Variants in GBE1 observed in about 807,000 individuals in gnomAD.
The protein encoded by GBE1 is 1,4-alpha-glucan branching enzyme 1, also known as 1,4-alpha-glucan-branching enzyme.
In GBE1, 70 loss-of-function variants were observed where a neutral mutation model predicts 88.8. The ratio of observed to expected loss-of-function variants is 0.79; its 90% CI spans 0.65 to 0.96. The LOEUF is 0.96. Among genes scored for constraint, GBE1 ranks in the 40% least tolerant of loss-of-function variants. GBE1 has a pLI of 0.00. For missense variants in GBE1, 872 were observed against 871.0 expected, an observed-to-expected ratio of 1.00 and a Z score of -0.01; for synonymous variants, 284 against 300.1, an observed-to-expected ratio of 0.95 and a Z score of 0.56.
intron 7 of GBE1, among the ~76,000 whole-genome samples, chr3:81,617,208 A>C (rs1410971740): frequency 2.6e-5 from 4 of 151,830 alleles, no homozygotes; most frequent in South Asian, 2.1e-4. Context: ...TCTATGTCTT[A>C]TTTTCTTTTC....
At chr3:81,693,273 T>G (rs1373977290) in intron 2 of GBE1, among the ~76,000 whole-genome samples, 1 of 152,152 alleles carries the variant, frequency 6.6e-6, no homozygotes, top group African/African-American at 2.4e-5. Flanking sequence ...CAAAAAACAG[T>G]ATCCTGAAGG....
rs35149061 is a variant in GBE1, at chr3:81,501,686, CTTTTTTTTTT to C, written c.1935-2469_1935-2460del. ...GAATTCCCTCATTTACTTAGGGGCA[CTTTTTTTTTT>C]TTTTTTTTTTTTTTTTTTTAAGACA... On this transcript the variant is annotated intron_variant, in intron 14 of 15. Coordinates refer to ENST00000429644, the MANE Select transcript of GBE1 (RefSeq NM_000158.4). 3.0e-3 allele frequency among the ~76,000 whole-genome samples: 216 copies of C among 71,982 alleles called. 1 individual carries two copies. The highest frequency in any genetic ancestry group is 3.7e-3 in the Admixed American group (17 of 4,562). The allele number at this position is 71,982 out of a possible 152,430, so 47.2% of individuals were successfully genotyped here. A position where few individuals can be genotyped will look rare whatever the true frequency, so the allele number is the denominator to read the frequency against.
chr3:81,511,372 CAGAGT>C (rs1384235585), intron 14 of GBE1, among the ~76,000 whole-genome samples: 2 of 151,986 alleles, frequency 1.3e-5, no homozygotes, highest in Non-Finnish European at 2.9e-5. Context: ...AAACAATCAA[CAGAGT>C]AAACAGACAA....
chr3:81,712,774 A>G (rs1231949797), intron 1 of GBE1, among the ~76,000 whole-genome samples: 1 of 151,990 alleles, frequency 6.6e-6, no homozygotes, highest in African/African-American at 2.4e-5. Flanking sequence ...TTGTGCACAT[A>G]TACCCTAGAA....
At chr3:81,500,802 G>A (rs1056856518) in intron 14 of GBE1, among the ~76,000 whole-genome samples, 1 of 152,178 alleles carries the variant, frequency 6.6e-6, no homozygotes, top group African/African-American at 2.4e-5. Context: ...GTATTTCAAA[G>A]AACGTACATG....
At chr3:81,532,663 T>C (rs1380008241) in intron 14 of GBE1, among the ~76,000 whole-genome samples, 1 of 152,076 alleles carries the variant, frequency 6.6e-6, no homozygotes, top group Non-Finnish European at 1.5e-5. Flanking sequence ...GTCAAAAACC[T>C]GCAGCAACTC....
chr3:81,668,688 A>G (rs1450732144), intron 3 of GBE1, among the ~76,000 whole-genome samples: 1 of 152,194 alleles, frequency 6.6e-6, no homozygotes, highest in African/African-American at 2.4e-5. Context: ...AATCATACAG[A>G]GCCCTCTTTG....
chr3:81,601,963 G>A (rs1704039021), intron 7 of GBE1, among the ~76,000 whole-genome samples: 1 of 152,136 alleles, frequency 6.6e-6, no homozygotes, highest in Admixed American at 6.5e-5. Flanking sequence ...GTGGAGTTTA[G>A]GGTCTAACAG....
chr3:81,629,216 C>T (rs1416734397), intron 7 of GBE1, among the ~76,000 whole-genome samples: 1 of 119,594 alleles, frequency 8.4e-6, no homozygotes, highest in East Asian at 2.6e-4. Flanking sequence ...GTGTGATATT[C>T]CCCTTCCTGT....
Position 81,591,069 on chromosome 3 carries a change from T to C in GBE1, c.1204A>G (p.Thr402Ala), listed in dbSNP as rs757297254. 22 of 1,610,424 alleles carry C rather than the reference T, an allele frequency of 1.4e-5. No homozygotes were observed. In the Admixed American group the frequency reaches 3.4e-4, roughly 25 times the overall value. The change falls in exon 9 of 16, where the codon ACG becomes GCG. Residue 402 changes from threonine (T) to alanine (A), a missense_variant. By Grantham distance (58) the Thr-to-Ala change is moderately conservative. Coordinates refer to ENST00000429644, the MANE Select transcript of GBE1 (RefSeq NM_000158.4). Reference sequence around the variant, plus strand: ...ATTGTTATAGAATCGGGACACAGCGTGTGAACCAAATGATTTGCCAACATG... The same window carrying C: ...ATTGTTATAGAATCGGGACACAGCGCGTGAACCAAATGATTTGCCAACATG... Reference protein sequence around the residue: ...YLMLANHLVHTLCPDSITIAE... With the variant: ...YLMLANHLVHALCPDSITIAE...
chr3:81,502,620 A>C (rs1702603495), intron 14 of GBE1, among the ~76,000 whole-genome samples: 1 of 152,190 alleles, frequency 6.6e-6, no homozygotes, highest in African/African-American at 2.4e-5. Context: ...AGTATCAGGA[A>C]ACTACATGTT....
intron 10 of GBE1, among the ~76,000 whole-genome samples, chr3:81,583,171 T>C (rs1053632605): frequency 1.3e-5 from 2 of 152,084 alleles, no homozygotes; most frequent in South Asian, 2.1e-4. Flanking sequence ...CACAATGAGA[T>C]GTCACTACAC....
chr3:81,691,737 T>C (rs1705524547), intron 2 of GBE1, among the ~76,000 whole-genome samples: 1 of 152,188 alleles, frequency 6.6e-6, no homozygotes. Context: ...CATGATCATG[T>C]ACACCTTCCT....
intron 12 of GBE1, among the ~76,000 whole-genome samples, chr3:81,570,757 T>C (rs909772882): frequency 6.6e-6 from 1 of 152,200 alleles, no homozygotes; most frequent in Admixed American, 6.5e-5. Context: ...ATACAGTATG[T>C]CTTTAAAAGC....
chr3:81,699,030 A>G (rs1230222562), intron 2 of GBE1, among the ~76,000 whole-genome samples: 3 of 151,314 alleles, frequency 2.0e-5, no homozygotes, highest in Non-Finnish European at 4.5e-5. Flanking sequence ...GTCACTTCTC[A>G]GCATAGGTAC....
At position 81,573,775 on chromosome 3, in the gene GBE1, C is replaced by CTCTG. The variant is rs537918861; in HGVS notation, c.1618+4149_1618+4150insCAGA. ...GCCTTCTCTCTCTCTCTCTCTCTCTCTGTGTGTGTGTGTGTGTGTGTGTAG... is the reference window on the plus strand; with the variant it reads ...GCCTTCTCTCTCTCTCTCTCTCTCTCTCTGTGTGTGTGTGTGTGTGTGTGTGTAG... On this transcript the variant is annotated intron_variant, in intron 12 of 15. Coordinates refer to ENST00000429644, the MANE Select transcript of GBE1 (RefSeq NM_000158.4). Among the ~76,000 whole-genome samples the CTCTG allele has an allele frequency of 8.3e-3, 1,235 of 148,874 alleles. 12 individuals are homozygous for CTCTG. The highest frequency in any genetic ancestry group is 0.028 in the African/African-American group (1,130 of 40,246).
At position 81,752,936 on chromosome 3, in the gene GBE1, A is replaced by G. The variant is rs1706551031; in HGVS notation, c.143+8439T>C. Among the ~76,000 whole-genome samples the G allele has an allele frequency of 2.6e-5, 4 of 152,206 alleles. 1 individual carries two copies. The highest frequency in any genetic ancestry group is 5.9e-5 in the Non-Finnish European group (4 of 68,026). ...TTTAACTTGATATATTAGTTTGCTAATAATATTATCATCAAACTATTATTT... is the reference window on the plus strand; with the variant it reads ...TTTAACTTGATATATTAGTTTGCTAGTAATATTATCATCAAACTATTATTT... On this transcript the variant is annotated intron_variant, in intron 1 of 15. Coordinates refer to ENST00000429644, the MANE Select transcript of GBE1 (RefSeq NM_000158.4).
intron 7 of GBE1, among the ~76,000 whole-genome samples, chr3:81,604,282 CTTTCTTTT>C (rs1341392737): frequency 8.9e-6 from 1 of 112,616 alleles, no homozygotes; most frequent in Non-Finnish European, 1.7e-5. Flanking sequence ...TCTTTTCTTT[CTTTCTTTT>C]TTTTTTTTTT....
Position 81,705,525 on chromosome 3 carries a change from C to G in GBE1, c.232G>C (p.Val78Leu). 1 of 1,601,862 alleles carries G rather than the reference C, an allele frequency of 6.2e-7. No individual in the cohort carries two copies. Among genetic ancestry groups the G allele is most frequent in the Non-Finnish European group, 8.5e-7 (1 of 1,173,764 alleles). Reference protein sequence around the residue: ...KFSRGYESFGVHRCADGGLYC... With the variant: ...KFSRGYESFGLHRCADGGLYC... ...AAACCACCATCAGCACATCTGTGGA[C>G]GCCAAATGATTCATAGCCTCTGGAA... The change falls in exon 2 of 16, where the codon GTC (valine) becomes CTC (leucine). Residue 78 changes from valine to leucine, a missense_variant. Physicochemically the swap from Val to Leu is conservative, Grantham distance 32. Coordinates refer to ENST00000429644, the MANE Select transcript of GBE1 (RefSeq NM_000158.4).
Sources: gnomAD v4.1 joint callset for allele counts (sites outside exome capture counted in the v4.1 genomes callset) on GRCh38, gnomAD v4.1.1 for gene constraint, MANE v1.5 for transcripts, NCBI Gene and HGNC (gene_info 2026-07-23, HGNC 2026-07-21) for gene names.